The following DYNLRB1 variants were observed in gnomAD, a reference collection of about 807,000 sequenced individuals.
The protein encoded by DYNLRB1 is dynein light chain roadblock-type 1, also known as ROBL/LC7-like 1.
In DYNLRB1, 6 loss-of-function variants were observed where a neutral mutation model predicts 13.5. The ratio of observed to expected loss-of-function variants is 0.44; its 90% confidence interval spans 0.24 to 0.88. The LOEUF (loss-of-function observed/expected upper bound fraction) is 0.88, where lower values mean the gene tolerates loss of function less well. Among genes scored for constraint, DYNLRB1 ranks in the 40% least tolerant of loss-of-function variants. The pLI is 0.21. For synonymous variants in DYNLRB1, 43 were observed against 45.0 expected, an observed-to-expected ratio of 0.96 and a Z score of 0.18; for missense variants, 93 against 127.2, an observed-to-expected ratio of 0.73 and a Z score of 1.29.
chr20:34,528,459 C>T (rs1297222072), intron 2 of DYNLRB1, among the ~76,000 whole-genome samples: 1 of 151,834 alleles, frequency 6.6e-6, no homozygotes, highest in African/African-American at 2.4e-5. Flanking sequence ...GAAGGAAGAC[C>T]AGGACCATGC....
rs1353495721 is a variant in DYNLRB1, at chr20:34,522,096, T to C, written c.4-4172T>C. Among the ~76,000 whole-genome samples the C allele has an allele frequency of 2.0e-5, 3 of 152,100 alleles. No homozygotes were observed. The East Asian group carries it at 5.8e-4, about 29-fold the overall frequency. On this transcript the variant is annotated intron_variant, in intron 1 of 3. Coordinates refer to ENST00000357156, the MANE Select transcript of DYNLRB1 (RefSeq NM_014183.4). ...ACCACATTAGCCAGAGTAGCATCCC[T>C]TGCCCCACAGCCTAGTCCCTGTATC... is the stretch of plus-strand genomic sequence containing the variant.
chr20:34,529,368 A>G (rs2146636907), intron 2 of DYNLRB1, among the ~76,000 whole-genome samples: 1 of 152,292 alleles, frequency 6.6e-6, no homozygotes, highest in East Asian at 1.9e-4. Flanking sequence ...GTTCTCAGCA[A>G]TTCCTACTTA....
chr20:34,515,863 G>T (rs1365976761), upstream of DYNLRB1, among the ~76,000 whole-genome samples: 1 of 152,018 alleles, frequency 6.6e-6, no homozygotes, highest in African/African-American at 2.4e-5. Flanking sequence ...AGCACTGAAA[G>T]CCTCTTCCGA....
At chr20:34,532,984 T>A (rs987595390) in intron 2 of DYNLRB1, among the ~76,000 whole-genome samples, 19 of 152,174 alleles carry the variant, frequency 1.2e-4, no homozygotes, top group Non-Finnish European at 1.5e-4. Flanking sequence ...AGGAGCTACT[T>A]GTGCCACATT....
Position 34,538,804 on chromosome 20 carries a change from G to T in DYNLRB1, c.248-1777G>T, listed in dbSNP as rs567524939. 1.3e-3 allele frequency among the ~76,000 whole-genome samples: 195 copies of T among 152,322 alleles called. 1 individual carries two copies. The highest frequency in any genetic ancestry group is 1.8e-3 in the Non-Finnish European group (125 of 68,032). ...CTCTGAACAGCCACAAAGTGACTTG[G>T]CTGAGGTCCTGCCATTTCGCTCATG... On this transcript the variant is annotated intron_variant, in intron 3 of 3. Coordinates refer to ENST00000357156, the MANE Select transcript of DYNLRB1 (RefSeq NM_014183.4).
At chr20:34,517,627 C>CTTTTTTTTT (rs60155819) in intron 1 of DYNLRB1, among the ~76,000 whole-genome samples, 54 of 120,356 alleles carry the variant, frequency 4.5e-4, no homozygotes, top group Non-Finnish European at 5.9e-4. Flanking sequence ...TTCATTATTT[C>CTTTTTTTTT]TTTTTTTTTT....
intron 3 of DYNLRB1, among the ~76,000 whole-genome samples, chr20:34,537,529 G>C (rs896931579): frequency 1.3e-5 from 2 of 152,210 alleles, no homozygotes; most frequent in African/African-American, 4.8e-5. Flanking sequence ...GACGGGGTCA[G>C]GGATGTCTGT....
At chr20:34,538,722 G>GT in intron 3 of DYNLRB1, among the ~76,000 whole-genome samples, 1 of 152,270 alleles carries the variant, frequency 6.6e-6, no homozygotes, top group South Asian at 2.1e-4. Flanking sequence ...CTTCATTTCT[G>GT]TTTCTTCCCT....
At chr20:34,533,400 C>T in intron 2 of DYNLRB1, 1 of 857,748 alleles carries the variant, frequency 1.2e-6, no homozygotes, top group Non-Finnish European at 1.4e-6. Flanking sequence ...AACATAGAAA[C>T]ATGCTTTAAC....
Position 34,526,362 on chromosome 20 carries a change from C to A in DYNLRB1, c.79+19C>A. The A allele has an allele frequency of 6.2e-7, 1 of 1,613,332 alleles. No homozygotes were observed. The highest frequency in any genetic ancestry group is 1.7e-5 in the Admixed American group (1 of 59,908). On this transcript the variant is annotated intron_variant, in intron 2 of 3. Transcript: ENST00000357156. ...ACAGAAGGTACGCCCTCCCTCCCGC[C>A]ATGACCCGCACCCAGGCAGGCCCAG...
At chr20:34,532,262 G>A (rs142154509) in intron 2 of DYNLRB1, among the ~76,000 whole-genome samples, 2 of 152,296 alleles carry the variant, frequency 1.3e-5, no homozygotes, top group Non-Finnish European at 2.9e-5. Context: ...TATTCAGCCC[G>A]CCCAGCAGCA....
intron 2 of DYNLRB1, among the ~76,000 whole-genome samples, chr20:34,528,508 G>A (rs995844631): frequency 4.6e-5 from 7 of 152,070 alleles, no homozygotes; most frequent in South Asian, 2.1e-4. Flanking sequence ...ACCACAGGCC[G>A]CAGAGTCAGG....
At chr20:34,525,780 C>T (rs1980149142) in intron 1 of DYNLRB1, among the ~76,000 whole-genome samples, 1 of 152,210 alleles carries the variant, frequency 6.6e-6, no homozygotes, top group African/African-American at 2.4e-5. Context: ...ACACTTCTTA[C>T]AGCTGAGTGC....
At chr20:34,535,674 C>T (rs1256316406) in intron 3 of DYNLRB1, 13 of 985,186 alleles carry the variant, frequency 1.3e-5, no homozygotes, top group Non-Finnish European at 1.4e-5. Flanking sequence ...CACGTATGCG[C>T]GTGATGGTGC....
chr20:34,540,530 T>G, intron 3 of DYNLRB1, 51 bp from the exon 4 acceptor site: 1 of 1,554,896 alleles, frequency 6.4e-7, no homozygotes, highest in Non-Finnish European at 8.8e-7. Context: ...TCTTGTGTGT[T>G]TTTCTCTCAT....
intron 2 of DYNLRB1, among the ~76,000 whole-genome samples, chr20:34,528,119 C>T (rs1430663754): frequency 1.9e-5 from 1 of 52,258 alleles, no homozygotes; most frequent in African/African-American, 7.5e-5. Context: ...GAGACCATCC[C>T]GGCTAAAACG....
At chr20:34,520,888 C>A (rs1333453923) in intron 1 of DYNLRB1, among the ~76,000 whole-genome samples, 1 of 152,188 alleles carries the variant, frequency 6.6e-6, no homozygotes, top group Non-Finnish European at 1.5e-5. Context: ...GTGGAAGGAC[C>A]AGTGCTTTTA....
intron 2 of DYNLRB1, among the ~76,000 whole-genome samples, chr20:34,533,809 A>G: frequency 6.6e-6 from 1 of 150,942 alleles, no homozygotes; most frequent in East Asian, 1.9e-4. Flanking sequence ...ACACAGCAAG[A>G]CTCCATCTCA....
At position 34,521,794 on chromosome 20, in the gene DYNLRB1, C is replaced by G. The variant is rs1325126229; in HGVS notation, c.4-4474C>G. Among the ~76,000 whole-genome samples, 3 of 152,310 alleles carry G rather than the reference C, an allele frequency of 2.0e-5. No homozygotes were observed. In the East Asian group the frequency reaches 5.8e-4, roughly 29 times the overall value. ...GAGAATGGTGGCTCACGCCTGTAGTCCCAACAGTTTGGGAGGCCAAGGCAG... is the reference window on the plus strand; with the variant it reads ...GAGAATGGTGGCTCACGCCTGTAGTGCCAACAGTTTGGGAGGCCAAGGCAG... On this transcript the variant is annotated intron_variant, in intron 1 of 3. Transcript: ENST00000357156.
Sources: gnomAD v4.1 joint callset for allele counts (sites outside exome capture counted in the v4.1 genomes callset) on GRCh38, gnomAD v4.1.1 for gene constraint, MANE v1.5 for transcripts, NCBI Gene and HGNC (gene_info 2026-07-23, HGNC 2026-07-21) for gene names.